Variants in ADAMTS19 observed in about 807,000 individuals in gnomAD.
The protein encoded by ADAMTS19 is ADAM metallopeptidase with thrombospondin type 1 motif 19, also known as A disintegrin and metalloproteinase with thrombospondin motifs 19.
Under a neutral mutation model 153.3 loss-of-function variants are expected in ADAMTS19, and 93 were observed. The observed-to-expected ratio is 0.61, with a 90% CI of 0.51 to 0.72. The LOEUF is 0.72. Ranked by LOEUF, ADAMTS19 falls within the 30% of genes least tolerant of loss-of-function variation. ADAMTS19 has a pLI of 0.00. For synonymous variants in ADAMTS19, 600 were observed against 556.6 expected, an observed-to-expected ratio of 1.08 and a Z score of -1.10; for missense variants, 1,482 against 1,552.1, an observed-to-expected ratio of 0.95 and a Z score of 0.76.
intron 8 of ADAMTS19, among the ~76,000 whole-genome samples, chr5:129,603,918 A>G (rs1316974226): frequency 6.6e-6 from 1 of 152,190 alleles, no homozygotes; most frequent in African/African-American, 2.4e-5. Context: ...CTTCTAGCTA[A>G]CTTTACTCAA....
Position 129,596,476 on chromosome 5 carries a change from A to G in ADAMTS19, c.1373-83A>G. 1.0e-5 allele frequency: 10 copies of G among 959,904 alleles called. No homozygotes were observed. The South Asian group carries it at 1.4e-4, about 13-fold the overall frequency. The allele number at this position is 959,904 out of a possible 1,614,324, so 59.5% of individuals were successfully genotyped here. ...TGACATTTTAGTCGTGACAACTGCC[A>G]TTTTCATTCCTGCTGCTAATAACTA... On this transcript the variant is annotated intron_variant, in intron 7 of 22. Transcript: ENST00000274487.
At chr5:129,709,437 G>A (rs946203522) in intron 21 of ADAMTS19, among the ~76,000 whole-genome samples, 1 of 151,968 alleles carries the variant, frequency 6.6e-6, no homozygotes, top group Non-Finnish European at 1.5e-5. Context: ...TATTATTGAT[G>A]TTACTGAAAT....
chr5:129,479,095 C>A (rs888303312), intron 2 of ADAMTS19, among the ~76,000 whole-genome samples: 3 of 151,922 alleles, frequency 2.0e-5, no homozygotes, highest in African/African-American at 7.3e-5. Flanking sequence ...AAATGTCACC[C>A]TAGAGGGGAA....
intron 4 of ADAMTS19, among the ~76,000 whole-genome samples, chr5:129,527,130 G>A (rs1252832665): frequency 1.3e-5 from 2 of 151,646 alleles, no homozygotes; most frequent in Non-Finnish European, 3.0e-5. Context: ...ATCATGTTAG[G>A]GATGCTTATT....
At chr5:129,491,722 C>T (rs1750776966) in intron 2 of ADAMTS19, among the ~76,000 whole-genome samples, 1 of 152,106 alleles carries the variant, frequency 6.6e-6, no homozygotes, top group African/African-American at 2.4e-5. Flanking sequence ...TTTTGGCATT[C>T]CTTAAGAAGG....
chr5:129,663,281 C>A (rs1478743736), intron 15 of ADAMTS19, among the ~76,000 whole-genome samples: 4 of 152,130 alleles, frequency 2.6e-5, no homozygotes, highest in African/African-American at 4.8e-5. Context: ...GACTTCTCTT[C>A]TTGATTTTCT....
intron 15 of ADAMTS19, among the ~76,000 whole-genome samples, chr5:129,663,235 G>C (rs1328476567): frequency 6.6e-6 from 1 of 152,022 alleles, no homozygotes; most frequent in Non-Finnish European, 1.5e-5. Context: ...TTATCTCTTT[G>C]TTAAAAACTA....
intron 2 of ADAMTS19, among the ~76,000 whole-genome samples, chr5:129,501,601 G>A (rs1020797793): frequency 1.3e-5 from 2 of 152,070 alleles, no homozygotes; most frequent in Admixed American, 6.6e-5. Context: ...CACAAAGGCA[G>A]TATGTGCTTG....
At chr5:129,675,131 A>C (rs1348383993) in intron 16 of ADAMTS19, among the ~76,000 whole-genome samples, 1 of 151,876 alleles carries the variant, frequency 6.6e-6, no homozygotes, top group Admixed American at 6.6e-5. Flanking sequence ...TAAATCTTTT[A>C]CCCCTGTTTT....
intron 7 of ADAMTS19, among the ~76,000 whole-genome samples, chr5:129,576,772 A>C (rs1481014424): frequency 6.6e-6 from 1 of 152,106 alleles, no homozygotes. Flanking sequence ...ACCAGAGCAC[A>C]CTGTTGGATT....
At chr5:129,577,119 T>A (rs932828723) in intron 7 of ADAMTS19, among the ~76,000 whole-genome samples, 3 of 152,030 alleles carry the variant, frequency 2.0e-5, no homozygotes, top group Admixed American at 1.3e-4. Flanking sequence ...TAATCCTAAT[T>A]CCTCCTCACC....
chr5:129,602,566 G>C (rs574928547), intron 8 of ADAMTS19, among the ~76,000 whole-genome samples: 8 of 152,210 alleles, frequency 5.3e-5, no homozygotes, highest in Non-Finnish European at 1.2e-4. Context: ...TCATTTTACA[G>C]ATGAGAAAAT....
chr5:129,599,802 A>T (rs1301039031), intron 8 of ADAMTS19, among the ~76,000 whole-genome samples: 1 of 152,192 alleles, frequency 6.6e-6, no homozygotes, highest in Non-Finnish European at 1.5e-5. Context: ...TGACTTTTAT[A>T]GAGCTGTACC....
In ADAMTS19 at chr5:129,461,639, C is replaced by G. The variant is rs772541574; in HGVS notation, c.629C>G (p.Thr210Arg). The change falls in exon 2 of 23, where the codon ACG becomes AGG. Residue 210 changes from threonine to arginine, a missense_variant. By Grantham distance (71) the Thr-to-Arg change is moderately conservative. This residue lies in a region of ADAMTS19 where 866 missense variants were observed against 827.7 expected (regional missense o/e 1.05). Coordinates refer to ENST00000274487, the MANE Select transcript of ADAMTS19 (RefSeq NM_133638.6). This position sits in a 1 kb window ranked among gnomAD's most constrained non-coding sequence, Gnocchi z 4.6. ...EQRPNPGPGP[T>R]GAASAPQPPA... The stretch of plus-strand genomic sequence containing the variant: ...CGGCCAAATCCCGGCCCCGGCCCCA[C>G]GGGGGCAGCATCCGCCCCGCAACCT... 4 of 1,529,102 alleles carry G rather than the reference C, an allele frequency of 2.6e-6. No homozygotes were observed. Among genetic ancestry groups the G allele is most frequent in the Non-Finnish European group, 3.5e-6 (4 of 1,135,292 alleles). 94.7% of individuals were successfully genotyped at this position (1,529,102 alleles called of 1,614,324 possible).
Position 129,513,897 on chromosome 5 carries a change from T to G in ADAMTS19, c.913+4655T>G, listed in dbSNP as rs185054917. Among the ~76,000 whole-genome samples the G allele has an allele frequency of 3.1e-3, 468 of 152,186 alleles. 4 individuals carry two copies. Among genetic ancestry groups the G allele is most frequent in the Admixed American group, 5.8e-3 (89 of 15,248 alleles). Reference sequence around the variant, plus strand: ...TAGGTCTTATTCATTTTTTCTAACTTTTTTGTACCCATTAACCATCCCCAC... The same window carrying G: ...TAGGTCTTATTCATTTTTTCTAACTGTTTTGTACCCATTAACCATCCCCAC... On this transcript the variant is annotated intron_variant, in intron 3 of 22. Transcript: ENST00000274487.
At position 129,557,023 on chromosome 5, in the gene ADAMTS19, A is replaced by G. The variant is rs184827085; in HGVS notation, c.1372+5116A>G. On this transcript the variant is annotated intron_variant, in intron 7 of 22. Transcript: ENST00000274487. ...TTTCTAAGTTAATGTTGCCTCCATC[A>G]TTTAGAGAAAGAATAAAGAAACGTG... Among the ~76,000 whole-genome samples, 417 of 152,290 alleles carry G rather than the reference A, an allele frequency of 2.7e-3. 1 individual carries two copies. The highest frequency in any genetic ancestry group is 9.0e-3 in the African/African-American group (375 of 41,564).
intron 16 of ADAMTS19, among the ~76,000 whole-genome samples, chr5:129,668,269 C>T (rs919599511): frequency 6.6e-6 from 1 of 152,180 alleles, no homozygotes; most frequent in Non-Finnish European, 1.5e-5. Flanking sequence ...GATAATCTCC[C>T]ATCTCAAGAT....
intron 10 of ADAMTS19, among the ~76,000 whole-genome samples, chr5:129,626,256 A>G (rs954335672): frequency 6.6e-6 from 1 of 152,112 alleles, no homozygotes; most frequent in African/African-American, 2.4e-5. Flanking sequence ...TGTCTTCTCT[A>G]TGGAAAAACC....
intron 18 of ADAMTS19, among the ~76,000 whole-genome samples, chr5:129,687,718 T>A (rs1755155840): frequency 6.6e-6 from 1 of 152,054 alleles, no homozygotes; most frequent in South Asian, 2.1e-4. Flanking sequence ...GACTCAGGGG[T>A]TCAAGTCTTC....
Sources: gnomAD v4.1 joint callset for allele counts (sites outside exome capture counted in the v4.1 genomes callset) on GRCh38, gnomAD v4.1.1 for gene constraint, gnomAD v4.1.1 regional missense constraint, Gnocchi (gnomAD v3.1) non-coding constraint, MANE v1.5 for transcripts, NCBI Gene and HGNC (gene_info 2026-07-23, HGNC 2026-07-21) for gene names.